WSB1: variants seen among roughly 807,000 people sequenced by gnomAD.
WSB1 encodes WD repeat and SOCS box-containing protein 1.
WSB1 carries 23 observed loss-of-function variants against 50.2 expected under a neutral mutation model. That is an observed-to-expected ratio of 0.46 (90% CI 0.33 to 0.65). The LOEUF (loss-of-function observed/expected upper bound fraction) is 0.65, where lower values mean the gene tolerates loss of function less well. WSB1 is among the 30% of genes least tolerant of loss of function. The probability of loss-of-function intolerance (pLI) is 0.02; values close to 1 mark genes in which losing one functional copy is unlikely to be tolerated. For missense variants in WSB1, 492 were observed against 522.3 expected, an observed-to-expected ratio of 0.94 and a Z score of 0.56; for synonymous variants, 179 against 172.0, an observed-to-expected ratio of 1.04 and a Z score of -0.32.
chr17:27,297,801 T>C (rs991084124), intron 1 of WSB1, among the ~76,000 whole-genome samples: 1 of 152,070 alleles, frequency 6.6e-6, no homozygotes, highest in African/African-American at 2.4e-5. Flanking sequence ...AAGAAAAATA[T>C]AGAGTAACCT....
chr17:27,307,788 C>G (rs2017519190), intron 5 of WSB1: 1 of 1,534,474 alleles, frequency 6.5e-7, no homozygotes, highest in Non-Finnish European at 8.7e-7. Flanking sequence ...GCTGGCACCA[C>G]TCGCACACAG....
At position 27,312,602 on chromosome 17, in the gene WSB1, C is replaced by G. The variant is rs1453644910; in HGVS notation, c.*233C>G. On this transcript the variant is annotated 3_prime_UTR_variant, in exon 9 of 9. Transcript: ENST00000262394. The stretch of plus-strand genomic sequence containing the variant: ...TTAAAGATCTAACTGTGAAAACATA[C>G]ATACCTGTACATATTTAGATATAAG... 2 of 465,848 alleles carry G rather than the reference C, an allele frequency of 4.3e-6. No individual in the cohort carries two copies. The highest frequency in any genetic ancestry group is 7.3e-6 in the Non-Finnish European group (2 of 272,906). The allele number at this position is 465,848 out of a possible 1,614,324, so 28.9% of individuals were successfully genotyped here. A position where few individuals can be genotyped will look rare whatever the true frequency, so the allele number is the denominator to read the frequency against.
At chr17:27,306,273 C>G (rs1597763604) in intron 4 of WSB1, among the ~76,000 whole-genome samples, 1 of 128,530 alleles carries the variant, frequency 7.8e-6, no homozygotes, top group African/African-American at 3.0e-5. Context: ...AGTGCAGCGG[C>G]GTGATCTCCG....
At position 27,313,052 on chromosome 17, in the gene WSB1, AAAATT is replaced by A. The variant is rs904734112; in HGVS notation, c.*684_*688del. 3 of 152,518 alleles carry A rather than the reference AAAATT, an allele frequency of 2.0e-5. No individual in the cohort carries two copies. Among genetic ancestry groups the A allele is most frequent in the African/African-American group, 7.2e-5 (3 of 41,382 alleles). 9.4% of individuals were successfully genotyped at this position (152,518 alleles called of 1,614,324 possible). On this transcript the variant is annotated 3_prime_UTR_variant, in exon 9 of 9. Coordinates refer to ENST00000262394, the MANE Select transcript of WSB1 (RefSeq NM_015626.10). ...CGAGACTCCATCTCAAAAAAAAAAA[AAAATT>A]GTGTTGCCTCATACGAAATGTATTT...
At chr17:27,299,276 T>A (rs1398364414) in intron 1 of WSB1, among the ~76,000 whole-genome samples, 2 of 152,072 alleles carry the variant, frequency 1.3e-5, no homozygotes, top group Non-Finnish European at 2.9e-5. Flanking sequence ...TTTGGGAGGC[T>A]GAAGGTGGGA....
rs1267721909 is a variant in WSB1, at chr17:27,309,139, A to C, written c.751A>C (p.Lys251Gln). Residue 251 changes from lysine (K) to glutamine (Q), a missense_variant, in exon 6 of 9, where the codon AAA becomes CAA. Transcript: ENST00000262394. ...WNMDKYTMIRKLEGHHHDVVA... is the reference protein window; with the variant it reads ...WNMDKYTMIRQLEGHHHDVVA... ...TATGGATAAATACACCATGATACGG[A>C]AACTAGAAGGACATCACCATGATGT... 6.2e-7 allele frequency: 1 copy of C among 1,612,214 alleles called. No homozygotes were observed. The highest frequency in any genetic ancestry group is 8.5e-7 in the Non-Finnish European group (1 of 1,179,178).
At chr17:27,294,772 A>G (rs1597746459) in intron 1 of WSB1, among the ~76,000 whole-genome samples, 1 of 152,184 alleles carries the variant, frequency 6.6e-6, no homozygotes, top group Non-Finnish European at 1.5e-5. Flanking sequence ...AGGGCCACTC[A>G]GGGACTTTAG....
Position 27,312,375 on chromosome 17 carries a change from T to A in WSB1, c.*6T>A. On this transcript the variant is annotated 3_prime_UTR_variant, in exon 9 of 9. Coordinates refer to ENST00000262394, the MANE Select transcript of WSB1 (RefSeq NM_015626.10). ...TTCTCTCGTATCGTATTTAGAAGAT[T>A]CTGCCTTCCCTAGTAGTAGGGACTG... is the stretch of plus-strand genomic sequence containing the variant. 1 of 1,613,866 alleles carries A rather than the reference T, an allele frequency of 6.2e-7. No individual in the cohort carries two copies. The highest frequency in any genetic ancestry group is 1.3e-5 in the African/African-American group (1 of 75,020).
At chr17:27,307,206 C>G (rs1361570239) in intron 5 of WSB1, 5 of 223,706 alleles carry the variant, frequency 2.2e-5, no homozygotes, top group Non-Finnish European at 4.3e-5. Flanking sequence ...TTATTTTCTT[C>G]TCTGTTGTTC....
intron 1 of WSB1, among the ~76,000 whole-genome samples, chr17:27,300,515 T>G (rs563444793): frequency 6.6e-6 from 1 of 152,198 alleles, no homozygotes; most frequent in South Asian, 2.1e-4. Flanking sequence ...TCTGGTAATA[T>G]GCCAATTTTT....
At position 27,312,678 on chromosome 17, in the gene WSB1, A is replaced by AT; in HGVS notation, c.*310dup. 1 of 242,142 alleles carries AT rather than the reference A, an allele frequency of 4.1e-6. No individual in the cohort carries two copies. The highest frequency in any genetic ancestry group is 8.0e-6 in the Non-Finnish European group (1 of 125,546). The allele number at this position is 242,142 out of a possible 1,614,324, so 15.0% of individuals were successfully genotyped here. A position where few individuals can be genotyped will look rare whatever the true frequency, so the allele number is the denominator to read the frequency against. On this transcript the variant is annotated 3_prime_UTR_variant, in exon 9 of 9. Coordinates refer to ENST00000262394, the MANE Select transcript of WSB1 (RefSeq NM_015626.10). ...TGCTTTTCTGATTTTTAGTTCTGAC[A>AT]TGTATATATTGCTTCAGTAGAGCCA... is the stretch of plus-strand genomic sequence containing the variant.
intron 3 of WSB1, chr17:27,303,887 TTTAG>T: frequency 2.4e-6 from 1 of 411,324 alleles, no homozygotes; most frequent in Non-Finnish European, 4.3e-6. Context: ...CCAGGGAATG[TTTAG>T]TTAGTTGTCC....
At chr17:27,308,371 T>C in intron 5 of WSB1, 1 of 985,390 alleles carries the variant, frequency 1.0e-6, no homozygotes, top group Non-Finnish European at 1.2e-6. Flanking sequence ...TAAAATTGTA[T>C]ATGAACTTAT....
At chr17:27,305,148 A>G (rs1464991332) in intron 4 of WSB1, among the ~76,000 whole-genome samples, 3 of 152,246 alleles carry the variant, frequency 2.0e-5, no homozygotes, top group Non-Finnish European at 4.4e-5. Flanking sequence ...GAAACTAACC[A>G]CATAAATCTG....
At position 27,299,364 on chromosome 17, in the gene WSB1, A is replaced by G. The variant is rs572159622; in HGVS notation, c.41-2424A>G. 4.5e-4 allele frequency among the ~76,000 whole-genome samples: 68 copies of G among 152,138 alleles called. 1 individual carries two copies. In the South Asian group the frequency reaches 7.3e-3, roughly 16 times the overall value. ...CTACCTTTACAAAAATAAAAACATT[A>G]ACCGGGTGTAGTGGTGCATGTCTGT... On this transcript the variant is annotated intron_variant, in intron 1 of 8. Transcript: ENST00000262394.
chr17:27,306,379 A>AT (rs1219579300), intron 4 of WSB1, among the ~76,000 whole-genome samples: 1 of 151,778 alleles, frequency 6.6e-6, no homozygotes, highest in East Asian at 1.9e-4. Flanking sequence ...TGCCCGGCTG[A>AT]TTTTTTAATG....
intron 3 of WSB1, 25 bp downstream of exon 3, chr17:27,303,660 A>C (rs1324720860): frequency 6.2e-7 from 1 of 1,606,680 alleles, no homozygotes. Flanking sequence ...TTTTTAAAGC[A>C]AATGTATTAT....
chr17:27,311,469 C>T, intron 7 of WSB1, 40 bp from the exon 8 acceptor site: 1 of 1,536,076 alleles, frequency 6.5e-7, no homozygotes, highest in Non-Finnish European at 8.8e-7. Context: ...TTTTACCTTA[C>T]ATTTTCTACA....
chr17:27,298,830 C>T (rs2017102380), intron 1 of WSB1, among the ~76,000 whole-genome samples: 1 of 152,112 alleles, frequency 6.6e-6, no homozygotes, highest in African/African-American at 2.4e-5. Flanking sequence ...AGCCACTGCA[C>T]TCCAGCCTGG....
Sources: allele counts gnomAD v4.1 joint callset (sites outside exome capture counted in the v4.1 genomes callset), GRCh38; gene constraint gnomAD v4.1.1; transcripts MANE v1.5; gene names NCBI Gene and HGNC (gene_info 2026-07-23, HGNC 2026-07-21).